Variants in RIMS2 observed in about 807,000 individuals in gnomAD.
RIMS2 encodes regulating synaptic membrane exocytosis 2.
RIMS2 carries 59 observed loss-of-function variants against 174.4 expected under a neutral mutation model. The ratio of observed to expected loss-of-function variants is 0.34; its 90% CI spans 0.27 to 0.42. The LOEUF (loss-of-function observed/expected upper bound fraction) is 0.42. Among genes scored for constraint, RIMS2 ranks in the 10% least tolerant of loss-of-function variants. The pLI is 1.00. For missense variants in RIMS2, 1,620 were observed against 1,666.3 expected, an observed-to-expected ratio of 0.97 and a Z score of 0.48; for synonymous variants, 606 against 572.5, an observed-to-expected ratio of 1.06 and a Z score of -0.84.
intron 14 of RIMS2, among the ~76,000 whole-genome samples, chr8:103,954,301 T>G (rs1470845670): frequency 6.6e-6 from 1 of 152,158 alleles, no homozygotes; most frequent in African/African-American, 2.4e-5. Flanking sequence ...GAATATACAT[T>G]CTTCTCAGCA....
At chr8:104,152,800 T>C (rs540919410) in intron 19 of RIMS2, among the ~76,000 whole-genome samples, 140 of 152,266 alleles carry the variant, frequency 9.2e-4, no homozygotes, top group African/African-American at 3.0e-3. Context: ...AAGACTTGTT[T>C]AGTATTCTCT....
intron 19 of RIMS2, among the ~76,000 whole-genome samples, chr8:104,186,861 T>C (rs1027929340): frequency 2.6e-5 from 4 of 151,756 alleles, no homozygotes; most frequent in African/African-American, 9.7e-5. Flanking sequence ...ATTTTTAACC[T>C]AAAAAGACCA....
intron 1 of RIMS2, among the ~76,000 whole-genome samples, chr8:103,573,929 G>T (rs1007404399): frequency 6.6e-6 from 1 of 151,956 alleles, no homozygotes; most frequent in Non-Finnish European, 1.5e-5. Flanking sequence ...TCACCTATTT[G>T]GTTTGATGTA....
chr8:103,800,928 T>C (rs1291537623), intron 3 of RIMS2, among the ~76,000 whole-genome samples: 1 of 152,146 alleles, frequency 6.6e-6, no homozygotes, highest in Admixed American at 6.5e-5. Context: ...AGAATTTGCC[T>C]CTACTGCCAT....
At chr8:103,884,436 G>A (rs1202946437) in intron 3 of RIMS2, among the ~76,000 whole-genome samples, 1 of 151,802 alleles carries the variant, frequency 6.6e-6, no homozygotes, top group Non-Finnish European at 1.5e-5. Flanking sequence ...CCAGAGAAAA[G>A]GTTAGTGTGA....
chr8:103,571,303 A>G (rs2092788304), intron 1 of RIMS2, among the ~76,000 whole-genome samples: 1 of 152,190 alleles, frequency 6.6e-6, no homozygotes, highest in Non-Finnish European at 1.5e-5. Flanking sequence ...AACATTCATA[A>G]TAGTCTGATC....
At chr8:104,100,010 G>A (rs1255350973) in intron 19 of RIMS2, among the ~76,000 whole-genome samples, 1 of 151,706 alleles carries the variant, frequency 6.6e-6, no homozygotes, top group South Asian at 2.1e-4. Flanking sequence ...TTGTAGCGAC[G>A]GGGTTTGGCC....
intron 2 of RIMS2, among the ~76,000 whole-genome samples, chr8:103,736,460 G>A (rs1013314775): frequency 6.6e-6 from 1 of 152,118 alleles, no homozygotes; most frequent in Non-Finnish European, 1.5e-5. Context: ...TATTCATTAT[G>A]AGAAATGACT....
intron 3 of RIMS2, among the ~76,000 whole-genome samples, chr8:103,805,021 T>A (rs1269149039): frequency 6.6e-6 from 1 of 152,070 alleles, no homozygotes; most frequent in African/African-American, 2.4e-5. Context: ...TCTCAAACTC[T>A]GGCCTCAAGC....
At chr8:104,187,852 A>G (rs1314281496) in intron 19 of RIMS2, among the ~76,000 whole-genome samples, 2 of 151,748 alleles carry the variant, frequency 1.3e-5, no homozygotes, top group African/African-American at 4.8e-5. Context: ...GTTCCTCTTA[A>G]CAGTGGATAC....
intron 1 of RIMS2, among the ~76,000 whole-genome samples, chr8:103,684,231 T>C (rs546155110): frequency 6.6e-6 from 1 of 152,280 alleles, no homozygotes; most frequent in East Asian, 1.9e-4. Flanking sequence ...CTCCAGCCCC[T>C]GGCAACCATT....
At chr8:103,569,517 ATCT>A (rs2092648836) in intron 1 of RIMS2, among the ~76,000 whole-genome samples, 2 of 152,120 alleles carry the variant, frequency 1.3e-5, no homozygotes, top group East Asian at 1.9e-4. Context: ...ATGTATTTAA[ATCT>A]TCTTTAATTT....
chr8:103,629,592 A>T (rs1193450118), intron 1 of RIMS2, among the ~76,000 whole-genome samples: 1 of 152,252 alleles, frequency 6.6e-6, no homozygotes, highest in East Asian at 1.9e-4. Flanking sequence ...GATACCATTT[A>T]AAACTACTTG....
chr8:104,221,154 A>AT (rs979198911), intron 19 of RIMS2, among the ~76,000 whole-genome samples: 4 of 152,062 alleles, frequency 2.6e-5, no homozygotes, highest in Non-Finnish European at 5.9e-5. Context: ...TTTAATCTAA[A>AT]TTTTCTCTTA....
intron 17 of RIMS2, among the ~76,000 whole-genome samples, chr8:104,009,372 C>T (rs1229776847): frequency 6.6e-6 from 1 of 151,934 alleles, no homozygotes; most frequent in Non-Finnish European, 1.5e-5. Context: ...CAGCTCACTG[C>T]AGCCTCGACC....
intron 19 of RIMS2, among the ~76,000 whole-genome samples, chr8:104,187,507 A>G (rs1381191042): frequency 3.3e-5 from 5 of 151,832 alleles, no homozygotes; most frequent in Non-Finnish European, 5.9e-5. Flanking sequence ...CTTTTATTCT[A>G]TCACTACATT....
intron 3 of RIMS2, among the ~76,000 whole-genome samples, chr8:103,811,188 G>A (rs1472091017): frequency 6.6e-6 from 1 of 152,126 alleles, no homozygotes; most frequent in Non-Finnish European, 1.5e-5. Context: ...AAATTGTAAT[G>A]TTGCTTTCAG....
Position 103,749,089 on chromosome 8 carries a change from G to A in RIMS2, c.388-17138G>A, listed in dbSNP as rs551318453. 5.8e-4 allele frequency among the ~76,000 whole-genome samples: 87 copies of A among 151,300 alleles called. 1 individual carries two copies. Among genetic ancestry groups the A allele is most frequent in the African/African-American group, 2.0e-3 (84 of 41,184 alleles). ...GCTGGGATTACAGGCATTAGCCACC[G>A]TGCCTGGCCATATGCTTTCTATTTT... On this transcript the variant is annotated intron_variant, in intron 2 of 23. Coordinates refer to ENST00000504942, the Ensembl canonical transcript of RIMS2.
intron 3 of RIMS2, among the ~76,000 whole-genome samples, chr8:103,786,137 T>G (rs2098441371): frequency 6.6e-6 from 1 of 152,188 alleles, no homozygotes; most frequent in African/African-American, 2.4e-5. Flanking sequence ...CATTTTTTAT[T>G]GCGTCTATTT....
Sources: allele counts gnomAD v4.1 joint callset (sites outside exome capture counted in the v4.1 genomes callset), GRCh38; gene constraint gnomAD v4.1.1; transcripts MANE v1.5; gene names NCBI Gene and HGNC (gene_info 2026-07-23, HGNC 2026-07-21).